Variants in RARB observed in about 807,000 individuals in gnomAD.
RARB encodes the protein HBV-activated protein.
In RARB, 17 loss-of-function variants were observed where a neutral mutation model predicts 51.9. The ratio of observed to expected loss-of-function variants is 0.33; its 90% CI spans 0.22 to 0.49. The LOEUF (loss-of-function observed/expected upper bound fraction) is 0.49. Among genes scored for constraint, RARB ranks in the 20% least tolerant of loss-of-function variants. The pLI is 0.99. For missense variants in RARB, 369 were observed against 550.8 expected (o/e 0.67, Z 3.30); for synonymous variants, 215 against 195.4 (o/e 1.10, Z -0.84).
At chr3:24,910,858 A>G (rs1694976053) in intron 2 of RARB, among the ~76,000 whole-genome samples, 1 of 152,076 alleles carries the variant, frequency 6.6e-6, no homozygotes, top group South Asian at 2.1e-4. Flanking sequence ...TTTTGTGGCT[A>G]CTCCTGACCA....
At chr3:25,033,761 G>A (rs11712643) in intron 2 of RARB, among the ~76,000 whole-genome samples, 95,270 of 151,950 alleles carry the variant, frequency 0.63, 30,528 homozygotes, top group East Asian at 0.93. Context: ...CACAGGGAAG[G>A]GGATTCTTGG....
intron 2 of RARB, among the ~76,000 whole-genome samples, chr3:25,499,987 A>T (rs1368264): frequency 0.51 from 76,932 of 152,064 alleles, 20,481 homozygotes; most frequent in African/African-American, 0.68. Flanking sequence ...CAATAGTAAA[A>T]AGTAAGTCAA....
At chr3:25,365,199 C>CTTTTTT (rs3035063) in intron 5 of RARB, among the ~76,000 whole-genome samples, 19 of 75,446 alleles carry the variant, frequency 2.5e-4, no homozygotes, top group African/African-American at 4.3e-4. Flanking sequence ...TTCTTTCTTT[C>CTTTTTT]TTTTTTTTTT....
chr3:24,864,006 A>G (rs1457767180), intron 2 of RARB, among the ~76,000 whole-genome samples: 1 of 152,142 alleles, frequency 6.6e-6, no homozygotes, highest in African/African-American at 2.4e-5. Flanking sequence ...CCTGACTTGT[A>G]TATTTTCAAT....
At chr3:24,985,184 T>C (rs1696760545) in intron 2 of RARB, among the ~76,000 whole-genome samples, 1 of 152,194 alleles carries the variant, frequency 6.6e-6, no homozygotes. Context: ...CTTTTACTCG[T>C]TCACATACTA....
intron 3 of RARB, among the ~76,000 whole-genome samples, chr3:25,065,390 G>A (rs1698641300): frequency 6.6e-6 from 1 of 152,104 alleles, no homozygotes; most frequent in South Asian, 2.1e-4. Context: ...ATCTGAATAT[G>A]TTTTGATAGA....
chr3:25,412,075 G>T (rs1211235861), intron 5 of RARB, among the ~76,000 whole-genome samples: 1 of 152,192 alleles, frequency 6.6e-6, no homozygotes, highest in Non-Finnish European at 1.5e-5. Flanking sequence ...CACAGAACTG[G>T]AGACTCCCTG....
chr3:25,188,656 C>T (rs1031157849), intron 5 of RARB, among the ~76,000 whole-genome samples: 9 of 152,064 alleles, frequency 5.9e-5, no homozygotes, highest in African/African-American at 2.2e-4. Context: ...TTTTATTAGG[C>T]TTCAGCTAAA....
At chr3:25,044,966 ACAAT>A (rs1459447963) in intron 2 of RARB, among the ~76,000 whole-genome samples, 2 of 152,182 alleles carry the variant, frequency 1.3e-5, no homozygotes, top group Admixed American at 6.5e-5. Flanking sequence ...CATGAACCTT[ACAAT>A]CAAAGTCCTC....
chr3:24,842,738 C>G (rs1325133521), intron 1 of RARB, among the ~76,000 whole-genome samples: 2 of 152,200 alleles, frequency 1.3e-5, no homozygotes, highest in African/African-American at 4.8e-5. Flanking sequence ...GTTTCTGACA[C>G]TCCTTTCTTC....
At chr3:24,964,121 T>A (rs1696203275) in intron 2 of RARB, among the ~76,000 whole-genome samples, 1 of 152,108 alleles carries the variant, frequency 6.6e-6, no homozygotes, top group African/African-American at 2.4e-5. Flanking sequence ...AACTACAAAA[T>A]GTTGATTTCC....
Position 25,596,756 on chromosome 3 carries a change from T to G in RARB, c.*140T>G. ...CAAGAAGGACCAAGAAGTTTTCATATGTATCAATATATATACTCCTCACTG... is the reference window on the plus strand; with the variant it reads ...CAAGAAGGACCAAGAAGTTTTCATAGGTATCAATATATATACTCCTCACTG... On this transcript the variant is annotated 3_prime_UTR_variant, in exon 8 of 8. Transcript: ENST00000330688. 1 of 706,730 alleles carries G rather than the reference T, an allele frequency of 1.4e-6. No homozygotes were observed. The highest frequency in any genetic ancestry group is 3.0e-5 in the Admixed American group (1 of 33,596). 43.8% of individuals were successfully genotyped at this position (706,730 alleles called of 1,614,324 possible). A position where few individuals can be genotyped will look rare whatever the true frequency, so the allele number is the denominator to read the frequency against.
chr3:24,905,737 T>C (rs1694848990), intron 2 of RARB, among the ~76,000 whole-genome samples: 1 of 152,218 alleles, frequency 6.6e-6, no homozygotes, highest in African/African-American at 2.4e-5. Context: ...AACTGGGGCC[T>C]GGGCCTTTAA....
intron 5 of RARB, among the ~76,000 whole-genome samples, chr3:25,216,515 C>T (rs1359310372): frequency 1.3e-5 from 2 of 150,924 alleles, no homozygotes; most frequent in African/African-American, 4.9e-5. Context: ...TGTTCTCACT[C>T]ATAAGTAGGA....
At chr3:25,581,899 A>G (rs1701192779) in intron 5 of RARB, among the ~76,000 whole-genome samples, 1 of 152,018 alleles carries the variant, frequency 6.6e-6, no homozygotes, top group Non-Finnish European at 1.5e-5. Flanking sequence ...GGAGAAGCAA[A>G]TGTTGTTGTT....
chr3:24,949,546 A>G (rs1466911336), intron 2 of RARB, among the ~76,000 whole-genome samples: 3 of 152,256 alleles, frequency 2.0e-5, no homozygotes, highest in East Asian at 1.9e-4. Flanking sequence ...ATGTTGCATT[A>G]GAAAATTTAA....
intron 5 of RARB, among the ~76,000 whole-genome samples, chr3:25,220,151 C>A (rs1051495336): frequency 6.6e-6 from 1 of 152,100 alleles, no homozygotes; most frequent in African/African-American, 2.4e-5. Flanking sequence ...ATTGAACTGC[C>A]TTTGGACTAT....
At chr3:25,361,826 G>T (rs1276066101) in intron 5 of RARB, among the ~76,000 whole-genome samples, 1 of 152,188 alleles carries the variant, frequency 6.6e-6, no homozygotes, top group Non-Finnish European at 1.5e-5. Context: ...GAACAGCAAA[G>T]ATTGCTGCTT....
chr3:25,232,977 T>TC (rs1335889243), intron 5 of RARB, among the ~76,000 whole-genome samples: 1 of 146,212 alleles, frequency 6.8e-6, no homozygotes, highest in African/African-American at 2.5e-5. Context: ...CTTTTTCTTT[T>TC]TTTTTTTTTT....
Sources: allele counts gnomAD v4.1 joint callset (sites outside exome capture counted in the v4.1 genomes callset), GRCh38; gene constraint gnomAD v4.1.1; transcripts MANE v1.5; gene names NCBI Gene and HGNC (gene_info 2026-07-23, HGNC 2026-07-21).